ERC1: variants seen among roughly 807,000 people sequenced by gnomAD.
ERC1 encodes the protein RAB6 interacting protein 2.
In ERC1, 56 loss-of-function variants were observed where a neutral mutation model predicts 132.0. The ratio of observed to expected loss-of-function variants is 0.42; its 90% CI spans 0.34 to 0.53. ERC1 has a LOEUF of 0.53. Ranked by LOEUF, ERC1 falls within the 20% of genes least tolerant of loss-of-function variation. ERC1 has a pLI of 0.03. For synonymous variants in ERC1, 478 were observed against 476.1 expected, an observed-to-expected ratio of 1.00 and a Z score of -0.05; for missense variants, 1,202 against 1,349.9, an observed-to-expected ratio of 0.89 and a Z score of 1.72.
chr12:1,463,931 G>A (rs1348712457), intron 18 of ERC1, among the ~76,000 whole-genome samples: 1 of 152,116 alleles, frequency 6.6e-6, no homozygotes, highest in African/African-American at 2.4e-5. Context: ...TATGGGGAAG[G>A]TTGGGCAGAC....
chr12:1,030,500 G>A (rs1173618745), intron 2 of ERC1, among the ~76,000 whole-genome samples: 1 of 152,180 alleles, frequency 6.6e-6, no homozygotes, highest in Non-Finnish European at 1.5e-5. Context: ...AGAGGGTGCG[G>A]ATTGGTTAAG....
At chr12:990,947 G>C (rs1366865843), upstream of ERC1, 2 of 38,378 alleles carry the variant, frequency 5.2e-5, no homozygotes, top group South Asian at 2.0e-3. Flanking sequence ...GTGTGTGTGT[G>C]TGTGAGTGTG....
intron 2 of ERC1, among the ~76,000 whole-genome samples, chr12:1,048,652 T>A (rs1169233725): frequency 6.6e-6 from 1 of 152,242 alleles, no homozygotes; most frequent in Non-Finnish European, 1.5e-5. Context: ...ATTTTATTAC[T>A]TTTTAGAATA....
At chr12:1,252,236 T>A (rs2076515921) in intron 13 of ERC1, among the ~76,000 whole-genome samples, 1 of 152,194 alleles carries the variant, frequency 6.6e-6, no homozygotes, top group African/African-American at 2.4e-5. Flanking sequence ...ATCCTGTTAT[T>A]TTTTAAGAGA....
At chr12:1,454,365 C>G (rs961458208) in intron 18 of ERC1, among the ~76,000 whole-genome samples, 1 of 152,130 alleles carries the variant, frequency 6.6e-6, no homozygotes, top group African/African-American at 2.4e-5. Flanking sequence ...TCCCATAAGC[C>G]ATTCTATCAA....
intron 18 of ERC1, among the ~76,000 whole-genome samples, chr12:1,459,191 G>A (rs1339600902): frequency 1.4e-4 from 21 of 152,148 alleles, no homozygotes; most frequent in Non-Finnish European, 1.5e-5. Flanking sequence ...TTAGGTTTCT[G>A]AGTACTTGGG....
intron 2 of ERC1, among the ~76,000 whole-genome samples, chr12:1,037,767 T>G (rs4604948): frequency 0.96 from 145,700 of 152,170 alleles, 70,053 homozygotes; most frequent in East Asian, 1. Flanking sequence ...ATATCCGGCC[T>G]GGCGCAGTGG....
At chr12:1,228,674 A>G (rs1258546068) in intron 12 of ERC1, among the ~76,000 whole-genome samples, 1 of 152,152 alleles carries the variant, frequency 6.6e-6, no homozygotes, top group African/African-American at 2.4e-5. Flanking sequence ...CTAATCATAT[A>G]TGGCCTTTAT....
intron 2 of ERC1, among the ~76,000 whole-genome samples, chr12:1,074,992 T>C (rs1485392543): frequency 6.6e-6 from 1 of 152,016 alleles, no homozygotes; most frequent in Admixed American, 6.6e-5. Context: ...CTGAAAACTT[T>C]GATTTGGTTT....
At chr12:1,388,365 A>AAAAAG (rs1566743708) in intron 16 of ERC1, among the ~76,000 whole-genome samples, 1 of 151,268 alleles carries the variant, frequency 6.6e-6, no homozygotes, top group Non-Finnish European at 1.5e-5. Context: ...AAAAAAAAAA[A>AAAAAG]AAATTAGCCT....
intron 15 of ERC1, among the ~76,000 whole-genome samples, chr12:1,330,408 T>A (rs1278109604): frequency 6.6e-6 from 1 of 152,186 alleles, no homozygotes; most frequent in Non-Finnish European, 1.5e-5. Context: ...CTTAAATTGC[T>A]GCCTGTTTTC....
At chr12:1,484,802 G>A (rs529062664) in intron 18 of ERC1, among the ~76,000 whole-genome samples, 29 of 152,086 alleles carry the variant, frequency 1.9e-4, no homozygotes, top group African/African-American at 4.1e-4. Flanking sequence ...GGCTGGTCTC[G>A]AACTCTTGAC....
At chr12:1,275,124 C>T (rs376485713) in intron 14 of ERC1, among the ~76,000 whole-genome samples, 1 of 152,148 alleles carries the variant, frequency 6.6e-6, no homozygotes, top group African/African-American at 2.4e-5. Context: ...TAGGTTTTAT[C>T]TCAACCACAG....
chr12:1,350,435 T>A (rs1486259759), intron 15 of ERC1, among the ~76,000 whole-genome samples: 1 of 152,246 alleles, frequency 6.6e-6, no homozygotes, highest in Non-Finnish European at 1.5e-5. Context: ...ATGGTACTTC[T>A]GGCTCCATGA....
In ERC1 at chr12:1,371,229, A is replaced by G. The variant is rs577150945; in HGVS notation, c.2781-604A>G. 7.6e-5 allele frequency among the ~76,000 whole-genome samples: 11 copies of G among 144,306 alleles called. No individual in the cohort carries two copies. The East Asian group carries it at 2.1e-3, about 28-fold the overall frequency. The allele number at this position is 144,306 out of a possible 152,430, so 94.7% of individuals were successfully genotyped here. A position where few individuals can be genotyped will look rare whatever the true frequency, so the allele number is the denominator to read the frequency against. ...TCCTCTGCCTTGCAACCACCATTCT[A>G]CTCTCTGTTTGCGTGAGTTTGACTG... On this transcript the variant is annotated intron_variant, in intron 15 of 18. Coordinates refer to ENST00000360905, the MANE Select transcript of ERC1 (RefSeq NM_178040.4).
At chr12:1,270,065 T>C (rs2077725645) in intron 14 of ERC1, among the ~76,000 whole-genome samples, 1 of 152,188 alleles carries the variant, frequency 6.6e-6, no homozygotes, top group African/African-American at 2.4e-5. Flanking sequence ...TGGTTTGGGG[T>C]ATGTAATTCT....
At position 1,401,226 on chromosome 12, in the gene ERC1, G is replaced by A. The variant is rs145919087; in HGVS notation, c.2926-6923G>A. The stretch of plus-strand genomic sequence containing the variant: ...TGGGATTACAGGCGTGAGCCACCGC[G>A]CCCAGCCCTATTTTTGTATTTTTTA... On this transcript the variant is annotated intron_variant, in intron 16 of 18. Transcript: ENST00000360905. 7.9e-3 allele frequency among the ~76,000 whole-genome samples: 1,208 copies of A among 152,070 alleles called. 21 individuals are homozygous for A. Among genetic ancestry groups the A allele is most frequent in the African/African-American group, 0.028 (1,155 of 41,468 alleles).
chr12:1,061,006 C>T (rs568846706), intron 2 of ERC1, among the ~76,000 whole-genome samples: 26 of 152,066 alleles, frequency 1.7e-4, no homozygotes, highest in African/African-American at 5.3e-4. Flanking sequence ...GGATTACAGG[C>T]GTGAGCCACC....
chr12:1,357,440 C>T (rs1259392962), intron 15 of ERC1, among the ~76,000 whole-genome samples: 3 of 152,118 alleles, frequency 2.0e-5, no homozygotes, highest in South Asian at 2.1e-4. Context: ...GATTAATTGC[C>T]GAAAGCATTC....
Sources: gnomAD v4.1 joint callset for allele counts (sites outside exome capture counted in the v4.1 genomes callset) on GRCh38, gnomAD v4.1.1 for gene constraint, MANE v1.5 for transcripts, NCBI Gene and HGNC (gene_info 2026-07-23, HGNC 2026-07-21) for gene names.